The following KCNN3 variants were observed in gnomAD, a reference collection of about 807,000 sequenced individuals.
KCNN3 encodes the protein potassium calcium-activated channel subfamily N member 3.
KCNN3 carries 16 observed loss-of-function variants against 62.9 expected under a neutral mutation model. The ratio of observed to expected loss-of-function variants is 0.25; its 90% CI spans 0.17 to 0.39. The LOEUF (loss-of-function observed/expected upper bound fraction) is 0.39, where lower values mean the gene tolerates loss of function less well. Ranked by LOEUF, KCNN3 falls within the 10% of genes least tolerant of loss-of-function variation. The pLI, the probability that KCNN3 is intolerant of heterozygous loss-of-function variation, is 1.00. For synonymous variants in KCNN3, 370 were observed against 389.2 expected (o/e 0.95, Z 0.58); for missense variants, 599 against 949.4 (o/e 0.63, Z 4.85).
At chr1:154,824,326 A>G (rs974812087) in intron 1 of KCNN3, among the ~76,000 whole-genome samples, 1 of 152,212 alleles carries the variant, frequency 6.6e-6, no homozygotes, top group Non-Finnish European at 1.5e-5. Context: ...GCACACATGT[A>G]TGGGGGCCTA....
At chr1:154,827,126 T>C (rs1198364364) in intron 1 of KCNN3, among the ~76,000 whole-genome samples, 8 of 152,246 alleles carry the variant, frequency 5.3e-5, no homozygotes, top group Non-Finnish European at 8.8e-5. Context: ...GCATTCAATC[T>C]GGGAAATAAT....
At position 154,813,562 on chromosome 1, in the gene KCNN3, CT is replaced by C. The variant is rs1650526567; in HGVS notation, c.1029+8526del. Among the ~76,000 whole-genome samples the C allele has an allele frequency of 3.3e-5, 5 of 152,154 alleles. No individual in the cohort carries two copies. In the South Asian group the frequency reaches 1.0e-3, roughly 32 times the overall value. ...GCCAGGGTTCAAGGGCAGATGACCC[CT>C]CCCCACCCCGTCCTGAACTCCTGGA... On this transcript the variant is annotated intron_variant, in intron 2 of 7. Coordinates refer to ENST00000271915, the MANE Select transcript of KCNN3 (RefSeq NM_002249.6).
intron 4 of KCNN3, among the ~76,000 whole-genome samples, chr1:154,727,616 T>A (rs1700498451): frequency 1.3e-5 from 2 of 152,304 alleles, no homozygotes; most frequent in South Asian, 2.1e-4. Context: ...AAGAACCAAG[T>A]CTGTGTGAAC....
At chr1:154,752,355 G>C (rs1647419066) in intron 3 of KCNN3, among the ~76,000 whole-genome samples, 1 of 152,190 alleles carries the variant, frequency 6.6e-6, no homozygotes, top group African/African-American at 2.4e-5. Context: ...CTTGTTAGCT[G>C]AAGTGACCTT....
chr1:154,783,080 G>GCACAC (rs1275305392), intron 2 of KCNN3, among the ~76,000 whole-genome samples: 1 of 31,622 alleles, frequency 3.2e-5, no homozygotes, highest in South Asian at 1.2e-3. Flanking sequence ...GGGCGTGGTG[G>GCACAC]TGGGCGCCTG....
intron 5 of KCNN3, among the ~76,000 whole-genome samples, chr1:154,718,623 G>C (rs143818837): frequency 2.6e-3 from 391 of 152,308 alleles, no homozygotes; most frequent in African/African-American, 8.8e-3. Context: ...GCAAGTGACG[G>C]TACCACAGTG....
intron 2 of KCNN3, among the ~76,000 whole-genome samples, chr1:154,801,094 T>C (rs1649933609): frequency 1.3e-5 from 2 of 150,492 alleles, no homozygotes; most frequent in Non-Finnish European, 3.0e-5. Context: ...CCAGCCTCCG[T>C]CCTCCTTTCT....
intron 3 of KCNN3, among the ~76,000 whole-genome samples, chr1:154,752,601 G>C (rs1647430134): frequency 6.6e-6 from 1 of 152,192 alleles, no homozygotes; most frequent in African/African-American, 2.4e-5. Context: ...ACTTCACAGA[G>C]TGCTGGGCCA....
In KCNN3 at chr1:154,713,494, G is replaced by A; in HGVS notation, c.1869C>T (p.Asp623=). 3 of 1,614,042 alleles carry A rather than the reference G, an allele frequency of 1.9e-6. No homozygotes were observed. Among genetic ancestry groups the A allele is most frequent in the Non-Finnish European group, 2.5e-6 (3 of 1,179,966 alleles). The change falls in exon 7 of 8, where the codon GAC becomes GAT. Residue 623 remains aspartate (D), a synonymous_variant. Transcript: ENST00000271915. The part of the protein sequence containing the change: ...SVKMEQRKLS[D]QANTLVDLSK... ...AAAGGTCCACCAGAGTGTTGGCTTG[G>A]TCACTCAGCTTCCTCTGTTCCATCT...
At chr1:154,856,162 A>G (rs1266079868) in intron 1 of KCNN3, among the ~76,000 whole-genome samples, 1 of 152,176 alleles carries the variant, frequency 6.6e-6, no homozygotes, top group Non-Finnish European at 1.5e-5. Flanking sequence ...CTTACATTAT[A>G]GTAATTAAAT....
chr1:154,807,716 C>T (rs551977698), intron 2 of KCNN3, among the ~76,000 whole-genome samples: 3 of 152,268 alleles, frequency 2.0e-5, no homozygotes, highest in South Asian at 2.1e-4. Context: ...TGATCAGTGT[C>T]GCTCCTGCTA....
intron 3 of KCNN3, among the ~76,000 whole-genome samples, chr1:154,759,826 T>C (rs918601783): frequency 1.8e-4 from 28 of 152,090 alleles, no homozygotes; most frequent in Non-Finnish European, 3.2e-4. Context: ...TTGGAATAAT[T>C]TGGGGATTGA....
At chr1:154,737,281 G>T (rs1219241797) in intron 3 of KCNN3, among the ~76,000 whole-genome samples, 1 of 152,060 alleles carries the variant, frequency 6.6e-6, no homozygotes, top group Non-Finnish European at 1.5e-5. Flanking sequence ...TGAGCTCAAG[G>T]GTAGTTATTA....
intron 2 of KCNN3, among the ~76,000 whole-genome samples, chr1:154,777,237 C>T (rs1404020592): frequency 6.6e-6 from 1 of 152,030 alleles, no homozygotes; most frequent in Non-Finnish European, 1.5e-5. Context: ...GCACCTCCTG[C>T]CTCATCTGTG....
intron 1 of KCNN3, among the ~76,000 whole-genome samples, chr1:154,847,051 A>T (rs1214213377): frequency 6.7e-6 from 1 of 149,610 alleles, no homozygotes; most frequent in East Asian, 2.0e-4. Flanking sequence ...CCCCTCCCTG[A>T]GCCCTGGGCT....
intron 5 of KCNN3, among the ~76,000 whole-genome samples, chr1:154,721,155 T>C (rs376381697): frequency 2.0e-5 from 3 of 152,184 alleles, no homozygotes; most frequent in African/African-American, 7.2e-5. Flanking sequence ...ATAGGATCCT[T>C]AGCACACTGT....
At chr1:154,830,305 A>T (rs1300307832) in intron 1 of KCNN3, among the ~76,000 whole-genome samples, 1 of 152,156 alleles carries the variant, frequency 6.6e-6, no homozygotes, top group African/African-American at 2.4e-5. Context: ...TCACATTCCC[A>T]CCGTCCCTGG....
At chr1:154,845,133 CA>C (rs1652001140) in intron 1 of KCNN3, among the ~76,000 whole-genome samples, 1 of 152,196 alleles carries the variant, frequency 6.6e-6, no homozygotes, top group South Asian at 2.1e-4. Context: ...TTCCCCTGCC[CA>C]AGATAGACCT....
chr1:154,766,416 TTATATATATATATATA>T lies in KCNN3; in HGVS notation c.1448+5543_1448+5558del, dbSNP rs373253800. Among the ~76,000 whole-genome samples, 3 of 71,812 alleles carry T rather than the reference TTATATATATATATATA, an allele frequency of 4.2e-5. 1 individual carries two copies. The highest frequency in any genetic ancestry group is 8.3e-5 in the Non-Finnish European group (3 of 35,930). The allele number at this position is 71,812 out of a possible 152,430, so 47.1% of individuals were successfully genotyped here. A position where few individuals can be genotyped will look rare whatever the true frequency, so the allele number is the denominator to read the frequency against. On this transcript the variant is annotated intron_variant, in intron 3 of 7. Transcript: ENST00000271915. ...CCATTTATTAAATACTAGCCAGGCT[TTATATATATATATATA>T]TATATATATATGTAGAAGTTCTGAT...
Sources: gnomAD v4.1 joint callset for allele counts (sites outside exome capture counted in the v4.1 genomes callset) on GRCh38, gnomAD v4.1.1 for gene constraint, MANE v1.5 for transcripts, NCBI Gene and HGNC (gene_info 2026-07-23, HGNC 2026-07-21) for gene names.